Variants in SH3PXD2A observed in about 807,000 individuals in gnomAD.
SH3PXD2A encodes SH3 and PX domain-containing protein 2A.
A neutral mutation model predicts 115.2 loss-of-function variants in SH3PXD2A; 32 were observed. That is an observed-to-expected ratio of 0.28 (90% CI 0.21 to 0.37). The LOEUF is 0.37. Among genes scored for constraint, SH3PXD2A ranks in the 10% least tolerant of loss-of-function variants. SH3PXD2A has a pLI of 1.00. For synonymous variants in SH3PXD2A, 610 were observed against 629.1 expected (o/e 0.97, Z 0.45); for missense variants, 1,328 against 1,498.7 (o/e 0.89, Z 1.88).
intron 8 of SH3PXD2A, among the ~76,000 whole-genome samples, chr10:103,645,143 A>G (rs1206983806): frequency 6.6e-6 from 1 of 152,194 alleles, no homozygotes; most frequent in Non-Finnish European, 1.5e-5. Context: ...TGGGTTGGCC[A>G]GTCCCCCAGC....
intron 6 of SH3PXD2A, among the ~76,000 whole-genome samples, chr10:103,683,985 C>T (rs1476248414): frequency 6.6e-6 from 1 of 152,374 alleles, no homozygotes; most frequent in East Asian, 1.9e-4. Context: ...CCTCACAAAG[C>T]CTGCGCTCTG....
chr10:103,602,482 C>A lies in SH3PXD2A; in HGVS notation c.2736G>T (p.Val912=), dbSNP rs200434956. The change falls in exon 15 of 15, where the codon GTG becomes GTT. Residue 912 remains valine (V), a synonymous_variant. Transcript: ENST00000369774. ...CTTCGTTCTGCCTGCCCTTGGCGGG[C>A]ACTGTGTCCAGCTCTTTGCCAGAGG... is the stretch of plus-strand genomic sequence containing the variant. ...PDPSGKELDT[V]PAKGRQNEGK... The A allele has an allele frequency of 2.0e-5, 33 of 1,614,160 alleles. No individual in the cohort carries two copies. In the East Asian group the frequency reaches 7.4e-4, roughly 36 times the overall value.
chr10:103,793,070 A>T (rs2039050650), intron 2 of SH3PXD2A, among the ~76,000 whole-genome samples: 1 of 152,152 alleles, frequency 6.6e-6, no homozygotes, highest in East Asian at 1.9e-4. Flanking sequence ...ACTTCCCACC[A>T]ACCCTAGCTC....
chr10:103,825,750 C>T (rs565938271), intron 1 of SH3PXD2A, among the ~76,000 whole-genome samples: 1 of 148,038 alleles, frequency 6.8e-6, no homozygotes, highest in South Asian at 2.1e-4. Flanking sequence ...TAAAACACAG[C>T]ATCCGTAACA....
At chr10:103,792,988 T>C (rs1482108559) in intron 2 of SH3PXD2A, among the ~76,000 whole-genome samples, 1 of 152,228 alleles carries the variant, frequency 6.6e-6, no homozygotes, top group Admixed American at 6.5e-5. Context: ...CATGTTCTTA[T>C]GTTTACTTTT....
chr10:103,705,782 G>A (rs1244889092), intron 5 of SH3PXD2A, among the ~76,000 whole-genome samples: 1 of 152,110 alleles, frequency 6.6e-6, no homozygotes, highest in African/African-American at 2.4e-5. Context: ...AAGACTCAGG[G>A]TCAGAAATAC....
chr10:103,760,515 A>C (rs1420895919), intron 3 of SH3PXD2A, among the ~76,000 whole-genome samples: 1 of 152,142 alleles, frequency 6.6e-6, no homozygotes, highest in Non-Finnish European at 1.5e-5. Context: ...GGCTGCAGTG[A>C]GCTGTGACTG....
chr10:103,732,858 T>A (rs2038338135), intron 4 of SH3PXD2A, among the ~76,000 whole-genome samples: 1 of 152,216 alleles, frequency 6.6e-6, no homozygotes, highest in South Asian at 2.1e-4. Context: ...TGGAGCGGAC[T>A]GCACACGGCA....
At chr10:103,729,753 G>A (rs567146517) in intron 4 of SH3PXD2A, among the ~76,000 whole-genome samples, 6 of 152,296 alleles carry the variant, frequency 3.9e-5, no homozygotes, top group East Asian at 1.9e-4. Context: ...ACTGGGTCGC[G>A]GGGACTGGTA....
At chr10:103,636,841 C>T (rs2036874236) in intron 8 of SH3PXD2A, among the ~76,000 whole-genome samples, 1 of 152,164 alleles carries the variant, frequency 6.6e-6, no homozygotes. Flanking sequence ...CTGTTCAGCC[C>T]AGGATTGAGC....
At chr10:103,689,909 A>G (rs1564864715) in intron 6 of SH3PXD2A, among the ~76,000 whole-genome samples, 1 of 152,186 alleles carries the variant, frequency 6.6e-6, no homozygotes, top group East Asian at 1.9e-4. Context: ...CCTTGCCTCA[A>G]GTCTAAGCTC....
intron 2 of SH3PXD2A, among the ~76,000 whole-genome samples, chr10:103,777,552 C>A (rs1480477851): frequency 6.6e-6 from 1 of 152,226 alleles, no homozygotes; most frequent in Non-Finnish European, 1.5e-5. Flanking sequence ...CCGACACCTG[C>A]AGTGAGATAT....
intron 2 of SH3PXD2A, among the ~76,000 whole-genome samples, chr10:103,769,450 T>TTCTTC (rs3976806): frequency 7.8e-6 from 1 of 127,728 alleles, no homozygotes; most frequent in Non-Finnish European, 1.6e-5. Context: ...CTTCTTCTTC[T>TTCTTC]TTTTTTTTTT....
At chr10:103,714,188 C>T (rs1031203128) in intron 5 of SH3PXD2A, among the ~76,000 whole-genome samples, 1 of 152,216 alleles carries the variant, frequency 6.6e-6, no homozygotes, top group East Asian at 1.9e-4. Flanking sequence ...CAGCGCTCTT[C>T]CAGGGCTTAC....
At chr10:103,750,131 T>C (rs899155416) in intron 3 of SH3PXD2A, among the ~76,000 whole-genome samples, 2 of 152,158 alleles carry the variant, frequency 1.3e-5, no homozygotes, top group African/African-American at 4.8e-5. Context: ...TGGCTCACTG[T>C]AGCCTCGACC....
At chr10:103,625,388 A>G (rs2036676659) in intron 9 of SH3PXD2A, among the ~76,000 whole-genome samples, 2 of 152,262 alleles carry the variant, frequency 1.3e-5, no homozygotes, top group Non-Finnish European at 2.9e-5. Context: ...TGTGTGGCAC[A>G]GCAGAAAGGA....
chr10:103,701,607 T>C (rs948038199), intron 5 of SH3PXD2A, among the ~76,000 whole-genome samples: 1 of 142,542 alleles, frequency 7.0e-6, no homozygotes, highest in African/African-American at 2.7e-5. Context: ...GCATCCATCA[T>C]CCATCCATCA....
chr10:103,638,889 G>C (rs1033485617), intron 8 of SH3PXD2A, among the ~76,000 whole-genome samples: 9 of 152,222 alleles, frequency 5.9e-5, no homozygotes, highest in African/African-American at 1.9e-4. Context: ...TTCAGGGGGA[G>C]AGAGAGACCC....
At chr10:103,671,939 T>C (rs1003256419) in intron 6 of SH3PXD2A, among the ~76,000 whole-genome samples, 3 of 152,316 alleles carry the variant, frequency 2.0e-5, no homozygotes, top group Admixed American at 1.3e-4. Context: ...ACTGGAAACC[T>C]GCACCCTGGC....
Sources: gnomAD v4.1 joint callset for allele counts (sites outside exome capture counted in the v4.1 genomes callset) on GRCh38, gnomAD v4.1.1 for gene constraint, MANE v1.5 for transcripts, NCBI Gene and HGNC (gene_info 2026-07-23, HGNC 2026-07-21) for gene names.